Variants in SORCS1 observed in about 807,000 individuals in gnomAD.
SORCS1 encodes sortilin related VPS10 domain containing receptor 1.
A neutral mutation model predicts 146.1 loss-of-function variants in SORCS1; 60 were observed. The ratio of observed to expected loss-of-function variants is 0.41; its 90% confidence interval spans 0.33 to 0.51. The LOEUF (loss-of-function observed/expected upper bound fraction) is 0.51, where lower values mean the gene tolerates loss of function less well. Among genes scored for constraint, SORCS1 ranks in the 20% least tolerant of loss-of-function variants. SORCS1 has a pLI of 0.21. For missense variants in SORCS1, 1,352 were observed against 1,487.6 expected, an observed-to-expected ratio of 0.91 and a Z score of 1.50; for synonymous variants, 637 against 584.0, an observed-to-expected ratio of 1.09 and a Z score of -1.31.
At chr10:106,838,383 T>C (rs755970725) in intron 2 of SORCS1, among the ~76,000 whole-genome samples, 13 of 152,324 alleles carry the variant, frequency 8.5e-5, no homozygotes, top group Non-Finnish European at 1.8e-4. Context: ...ATTATCAATA[T>C]CCTCCTTCAG....
Position 107,008,752 on chromosome 10 carries a change from C to T in SORCS1, c.559-52172G>A, listed in dbSNP as rs569523168. On this transcript the variant is annotated intron_variant, in intron 1 of 25. Transcript: ENST00000263054. ...GTGGCTCATGCCTGTAATCCTAGCA[C>T]TTTGGGAGGCCGAGGCGGGTGGATC... 5.3e-5 allele frequency among the ~76,000 whole-genome samples: 8 copies of T among 152,288 alleles called. No homozygotes were observed. In the South Asian group the frequency reaches 1.0e-3, roughly 20 times the overall value.
At chr10:106,862,166 T>C (rs940520583) in intron 2 of SORCS1, among the ~76,000 whole-genome samples, 2 of 152,316 alleles carry the variant, frequency 1.3e-5, no homozygotes, top group East Asian at 3.9e-4. Context: ...ACTGAACATC[T>C]ATAGTGAAAC....
intron 6 of SORCS1, among the ~76,000 whole-genome samples, chr10:106,727,271 C>T (rs1185242793): frequency 6.6e-6 from 1 of 152,076 alleles, no homozygotes; most frequent in Non-Finnish European, 1.5e-5. Flanking sequence ...AACTGGTCAG[C>T]CGGGTATGCC....
intron 2 of SORCS1, among the ~76,000 whole-genome samples, chr10:106,863,918 T>G (rs1950125490): frequency 6.6e-6 from 1 of 152,092 alleles, no homozygotes; most frequent in Admixed American, 6.6e-5. Flanking sequence ...AGATGAACAC[T>G]GTGTAGACGA....
Position 106,671,308 on chromosome 10 carries a change from C to G in SORCS1, c.2118G>C (p.Lys706Asn), listed in dbSNP as rs1851582824. 1 of 1,614,050 alleles carries G rather than the reference C, an allele frequency of 6.2e-7. No homozygotes were observed. The highest frequency in any genetic ancestry group is 1.7e-5 in the Admixed American group (1 of 59,996). The change falls in exon 16 of 26, where the codon AAG becomes AAC. Residue 706 changes from lysine to asparagine, a missense_variant. Around this residue, in one of 3 missense-constraint regions of SORCS1, gnomAD observed 648 missense variants for 793.8 expected, o/e 0.82. Coordinates refer to ENST00000263054, the MANE Select transcript of SORCS1 (RefSeq NM_052918.5). ...CTCCTGCATATTTTCCTTGCATACA[C>G]TTCCGCTCTGATTTTCGCTTCTTAT... Reference protein sequence around the residue: ...RIYKKRKSERKCMQGKYAGAM... With the variant: ...RIYKKRKSERNCMQGKYAGAM...
At chr10:107,065,521 T>TTTCA (rs1961753604) in intron 1 of SORCS1, among the ~76,000 whole-genome samples, 1 of 141,470 alleles carries the variant, frequency 7.1e-6, no homozygotes. Context: ...TCTTTCTTTC[T>TTTCA]TTCTTTCTTT....
At chr10:106,627,920 A>G (rs1007542565) in intron 19 of SORCS1, among the ~76,000 whole-genome samples, 3 of 152,218 alleles carry the variant, frequency 2.0e-5, no homozygotes, top group African/African-American at 7.2e-5. Context: ...GCCACTTCAA[A>G]CAAGTAACTT....
chr10:106,677,404 T>A lies in SORCS1; in HGVS notation c.1741A>T (p.Ile581Phe), dbSNP rs1333378048. 6.2e-7 allele frequency: 1 copy of A among 1,613,682 alleles called. No individual in the cohort carries two copies. Among genetic ancestry groups the A allele is most frequent in the Non-Finnish European group, 8.5e-7 (1 of 1,179,764 alleles). The change falls in exon 13 of 26, where the codon ATC becomes TTC. Residue 581 changes from isoleucine (I) to phenylalanine (F), a missense_variant and splice_region_variant. This residue lies in a region of SORCS1 where 648 missense variants were observed against 793.8 expected (regional missense o/e 0.82). Transcript: ENST00000263054. The stretch of plus-strand genomic sequence containing the variant: ...AAAACACTGTGCTCTTCTTCAAAGA[T>A]CTGGATGAGGAAAACACATACATGG... Reference protein sequence around the residue: ...SSDAGNTWRQIFEEEHSVLYL... With the variant: ...SSDAGNTWRQFFEEEHSVLYL...
At chr10:106,953,841 C>T (rs1341980086) in intron 2 of SORCS1, among the ~76,000 whole-genome samples, 1 of 152,114 alleles carries the variant, frequency 6.6e-6, no homozygotes, top group African/African-American at 2.4e-5. Flanking sequence ...GTGTCATTGA[C>T]TGAAATGGCA....
Position 106,579,195 on chromosome 10 carries a change from A to G in SORCS1, c.3371+174T>C, listed in dbSNP as rs765939027. ...TTCAGAGTGACTGACTGGACTGATC[A>G]TCTCTTGTTCTTTCTCATTCTGCAT... On this transcript the variant is annotated intron_variant, in intron 25 of 25. Coordinates refer to ENST00000263054, the MANE Select transcript of SORCS1 (RefSeq NM_052918.5). The G allele has an allele frequency of 7.4e-6, 12 of 1,613,976 alleles. No homozygotes were observed. The highest frequency in any genetic ancestry group is 1.0e-5 in the Non-Finnish European group (12 of 1,179,996).
intron 2 of SORCS1, among the ~76,000 whole-genome samples, chr10:106,925,365 T>G (rs1372019877): frequency 6.6e-6 from 1 of 152,160 alleles, no homozygotes; most frequent in Non-Finnish European, 1.5e-5. Flanking sequence ...TGCTTCTGGA[T>G]TCCTGGATGG....
intron 2 of SORCS1, among the ~76,000 whole-genome samples, chr10:106,901,721 C>A (rs1285587695): frequency 6.6e-6 from 1 of 152,188 alleles, no homozygotes; most frequent in African/African-American, 2.4e-5. Flanking sequence ...AGGGATGAGC[C>A]ACTGTCCCTG....
At chr10:106,608,450 A>C (rs991356347) in intron 22 of SORCS1, among the ~76,000 whole-genome samples, 1 of 150,314 alleles carries the variant, frequency 6.7e-6, no homozygotes, top group Admixed American at 6.6e-5. Flanking sequence ...ACTGTGCTGC[A>C]TTTTTTTTTG....
intron 1 of SORCS1, among the ~76,000 whole-genome samples, chr10:107,116,420 T>C (rs1476303033): frequency 2.6e-5 from 4 of 152,012 alleles, no homozygotes; most frequent in Admixed American, 2.0e-4. Flanking sequence ...CACATACATA[T>C]ATAATGTATT....
intron 5 of SORCS1, among the ~76,000 whole-genome samples, chr10:106,751,798 C>T (rs947031911): frequency 6.6e-6 from 1 of 152,152 alleles, no homozygotes; most frequent in Non-Finnish European, 1.5e-5. Flanking sequence ...TGTACATGTA[C>T]AAGCATGTGT....
At chr10:106,951,225 C>T (rs1361126553) in intron 2 of SORCS1, among the ~76,000 whole-genome samples, 5 of 152,090 alleles carry the variant, frequency 3.3e-5, no homozygotes, top group Non-Finnish European at 5.9e-5. Context: ...TAAAAAGGAA[C>T]ATCTGGCCGG....
chr10:106,799,308 A>C (rs1026949837), intron 3 of SORCS1, among the ~76,000 whole-genome samples: 3 of 152,230 alleles, frequency 2.0e-5, no homozygotes, highest in African/African-American at 7.2e-5. Flanking sequence ...ACCATTCAGG[A>C]CCTAGGCATG....
the SORCS1 span, among the ~76,000 whole-genome samples, chr10:107,178,371 G>A: frequency 6.6e-6 from 1 of 151,954 alleles, no homozygotes; most frequent in Non-Finnish European, 1.5e-5. Context: ...CCACAAATGA[G>A]TGTGAACATG....
At chr10:106,696,022 C>T (rs1362578632) in intron 9 of SORCS1, among the ~76,000 whole-genome samples, 1 of 152,140 alleles carries the variant, frequency 6.6e-6, no homozygotes, top group African/African-American at 2.4e-5. Context: ...GACCCGTCAG[C>T]AATGCACATC....
Sources: gnomAD v4.1 joint callset for allele counts (sites outside exome capture counted in the v4.1 genomes callset) on GRCh38, gnomAD v4.1.1 for gene constraint, gnomAD v4.1.1 regional missense constraint, MANE v1.5 for transcripts, NCBI Gene and HGNC (gene_info 2026-07-23, HGNC 2026-07-21) for gene names.